The following HIPK2 variants were observed in gnomAD, a reference collection of about 807,000 sequenced individuals.
The protein encoded by HIPK2 is homeodomain interacting protein kinase 2.
A neutral mutation model predicts 113.7 loss-of-function variants in HIPK2; 27 were observed. The ratio of observed to expected loss-of-function variants is 0.24; its 90% CI spans 0.17 to 0.33. The LOEUF (loss-of-function observed/expected upper bound fraction) is 0.33, where lower values mean the gene tolerates loss of function less well. Among genes scored for constraint, HIPK2 ranks in the 10% least tolerant of loss-of-function variants. HIPK2 has a pLI of 1.00. For missense variants in HIPK2, 1,257 were observed against 1,588.0 expected (o/e 0.79, Z 3.54); for synonymous variants, 631 against 642.2 (o/e 0.98, Z 0.26).
At chr7:139,584,217 C>A (rs1798762491) in intron 12 of HIPK2, 153 bp from the exon 13 acceptor site, 1 of 520,134 alleles carries the variant, frequency 1.9e-6, no homozygotes, top group Non-Finnish European at 2.5e-6. Context: ...GGAGACTGGG[C>A]ATGCAAAAGT....
At chr7:139,624,905 C>A (rs1800374354) in intron 6 of HIPK2, among the ~76,000 whole-genome samples, 1 of 152,226 alleles carries the variant, frequency 6.6e-6, no homozygotes, top group Admixed American at 6.5e-5. Context: ...CAGGGCTCAA[C>A]AATTCCACCG....
intron 2 of HIPK2, among the ~76,000 whole-genome samples, chr7:139,708,773 G>A (rs1387429894): frequency 6.6e-6 from 1 of 152,212 alleles, no homozygotes; most frequent in Admixed American, 6.5e-5. Context: ...CACATGGTGG[G>A]CGTGTGTGCA....
intron 2 of HIPK2, among the ~76,000 whole-genome samples, chr7:139,667,027 T>G (rs1004804278): frequency 6.6e-6 from 1 of 151,494 alleles, no homozygotes; most frequent in African/African-American, 2.4e-5. Context: ...ATTGCGCCAC[T>G]GCACTCCAGC....
chr7:139,665,044 T>C (rs902784886), intron 2 of HIPK2, among the ~76,000 whole-genome samples: 10 of 151,760 alleles, frequency 6.6e-5, no homozygotes, highest in Admixed American at 2.0e-4. Flanking sequence ...TCTCTCTTTT[T>C]TTTTTTTTTT....
At chr7:139,730,317 T>C (rs1795733469) in intron 1 of HIPK2, among the ~76,000 whole-genome samples, 1 of 152,146 alleles carries the variant, frequency 6.6e-6, no homozygotes, top group Non-Finnish European at 1.5e-5. Context: ...ACTCTATTCT[T>C]TCCCATTTTG....
rs1798238017 is a variant in HIPK2, at chr7:139,570,629, G to A, written c.*2298C>T. 6.6e-6 allele frequency: 1 copy of A among 152,254 alleles called. No individual in the cohort carries two copies. The highest frequency in any genetic ancestry group is 6.5e-5 in the Admixed American group (1 of 15,280). 9.4% of individuals were successfully genotyped at this position (152,254 alleles called of 1,614,324 possible). ...GGGAAGTTTCCAGAGTTATTTCACA[G>A]CTAAGAGCTAAGTAACGACTTCGTT... On this transcript the variant is annotated 3_prime_UTR_variant, in exon 15 of 15. Transcript: ENST00000406875.
At chr7:139,773,278 T>C (rs1796683654) in intron 1 of HIPK2, among the ~76,000 whole-genome samples, 1 of 152,204 alleles carries the variant, frequency 6.6e-6, no homozygotes, top group African/African-American at 2.4e-5. Context: ...GTTTCTTTTA[T>C]AGGAAAAATA....
intron 2 of HIPK2, among the ~76,000 whole-genome samples, chr7:139,633,985 CTGTGG>C (rs1262066499): frequency 7.9e-5 from 12 of 151,176 alleles, no homozygotes; most frequent in African/African-American, 2.9e-4. Context: ...AGGTGCGCAC[CTGTGG>C]TCCCAGCTAC....
chr7:139,736,634 G>A (rs1317785132), intron 1 of HIPK2, among the ~76,000 whole-genome samples: 2 of 152,198 alleles, frequency 1.3e-5, no homozygotes, highest in African/African-American at 4.8e-5. Flanking sequence ...AATACCCTTT[G>A]TTGAAGCTGG....
chr7:139,699,217 G>T (rs899944510), intron 2 of HIPK2, among the ~76,000 whole-genome samples: 2 of 152,056 alleles, frequency 1.3e-5, no homozygotes, highest in African/African-American at 4.8e-5. Flanking sequence ...CCCCAGGGCC[G>T]CAGGGAGTAC....
At chr7:139,671,570 G>A (rs543358458) in intron 2 of HIPK2, among the ~76,000 whole-genome samples, 1 of 148,586 alleles carries the variant, frequency 6.7e-6, no homozygotes, top group African/African-American at 2.5e-5. Flanking sequence ...TTTTTTTTTT[G>A]ACAGAGTCTC....
intron 1 of HIPK2, among the ~76,000 whole-genome samples, chr7:139,741,547 G>A (rs1796098686): frequency 6.6e-6 from 1 of 152,234 alleles, no homozygotes; most frequent in African/African-American, 2.4e-5. Context: ...CGGTGGGGAT[G>A]CAGAAGTGGC....
chr7:139,742,158 T>G (rs1796113862), intron 1 of HIPK2, among the ~76,000 whole-genome samples: 1 of 152,218 alleles, frequency 6.6e-6, no homozygotes, highest in Non-Finnish European at 1.5e-5. Context: ...TTATAAATTG[T>G]AGAAAGAACA....
At chr7:139,635,012 A>G (rs28671621) in intron 2 of HIPK2, among the ~76,000 whole-genome samples, 25,328 of 152,062 alleles carry the variant, frequency 0.17, 2,774 homozygotes, top group African/African-American at 0.31. Flanking sequence ...GAACACTACC[A>G]AAAAAAGTAT....
intron 11 of HIPK2, among the ~76,000 whole-genome samples, chr7:139,599,458 C>T (rs933695574): frequency 6.6e-6 from 1 of 152,238 alleles, no homozygotes; most frequent in African/African-American, 2.4e-5. Flanking sequence ...TTGCCTTTTC[C>T]GAAATGCCAT....
At position 139,600,448 on chromosome 7, in the gene HIPK2, G is replaced by T; in HGVS notation, c.2404C>A (p.Arg802=). ...RQQPTSTTSS[R]KSKQHQSSVR... is the part of the protein sequence containing the mutation. Reference sequence around the variant, plus strand: ...GATGACTGGTGCTGCTTACTCTTCCGGGAGGAGGTGGTGCTGGTTGGCTGC... The same window carrying T: ...GATGACTGGTGCTGCTTACTCTTCCTGGAGGAGGTGGTGCTGGTTGGCTGC... The change falls in exon 11 of 15, where the codon CGG becomes AGG. Residue 802 remains arginine (R), a synonymous_variant. Transcript: ENST00000406875. The T allele has an allele frequency of 6.2e-7, 1 of 1,613,748 alleles. No homozygotes were observed. Among genetic ancestry groups the T allele is most frequent in the Non-Finnish European group, 8.5e-7 (1 of 1,179,842 alleles).
intron 1 of HIPK2, among the ~76,000 whole-genome samples, chr7:139,771,189 A>G (rs544876471): frequency 7.9e-5 from 12 of 152,290 alleles, no homozygotes; most frequent in Admixed American, 5.9e-4. Flanking sequence ...CGAATTTGAC[A>G]AACGGTCCCT....
chr7:139,672,444 A>C (rs969889766), intron 2 of HIPK2, among the ~76,000 whole-genome samples: 1 of 152,184 alleles, frequency 6.6e-6, no homozygotes, highest in Non-Finnish European at 1.5e-5. Flanking sequence ...TAGAACATGA[A>C]GACTTCAAAA....
intron 9 of HIPK2, among the ~76,000 whole-genome samples, chr7:139,605,264 A>G (rs1030078029): frequency 7.1e-5 from 10 of 140,744 alleles, no homozygotes; most frequent in East Asian, 6.0e-4. Context: ...GTGTGTGTGT[A>G]TGTTGTGTTT....
Sources: gnomAD v4.1 joint callset for allele counts (sites outside exome capture counted in the v4.1 genomes callset) on GRCh38, gnomAD v4.1.1 for gene constraint, MANE v1.5 for transcripts, NCBI Gene and HGNC (gene_info 2026-07-23, HGNC 2026-07-21) for gene names.